The following TFEC variants were observed in gnomAD, a reference collection of about 807,000 sequenced individuals.
TFEC encodes the protein transcription factor EC.
TFEC carries 31 observed loss-of-function variants against 41.6 expected under a neutral mutation model. The ratio of observed to expected loss-of-function variants is 0.74; its 90% confidence interval spans 0.56 to 1.01. The LOEUF (loss-of-function observed/expected upper bound fraction) is 1.01. Ranked by LOEUF, TFEC falls within the 50% of genes least tolerant of loss-of-function variation. The pLI, the probability that TFEC is intolerant of heterozygous loss-of-function variation, is 0.00. For missense variants in TFEC, 402 were observed against 404.1 expected, an observed-to-expected ratio of 0.99 and a Z score of 0.04; for synonymous variants, 143 against 140.6, an observed-to-expected ratio of 1.02 and a Z score of -0.12.
chr7:116,085,046 G>A (rs1460149286), intron 3 of TFEC, among the ~76,000 whole-genome samples: 4 of 151,780 alleles, frequency 2.6e-5, no homozygotes, highest in Non-Finnish European at 5.9e-5. Flanking sequence ...AAGAGAAAAC[G>A]TATAGGACCA....
rs141349647 is a variant in TFEC at position 116,071,986 on chromosome 7, C to G, written c.198+38722G>C. Among the ~76,000 whole-genome samples the G allele has an allele frequency of 2.1e-4, 32 of 151,600 alleles. 1 individual carries two copies. The highest frequency in any genetic ancestry group is 7.2e-4 in the African/African-American group (30 of 41,528). On this transcript the variant is annotated intron_variant, in intron 3 of 8. Transcript: ENST00000484212. ...ATAAAAGACCTTAATTAAAGTACAGCTATTCATTGTTGATTTCTTTCCCAA... is the reference window on the plus strand; with the variant it reads ...ATAAAAGACCTTAATTAAAGTACAGGTATTCATTGTTGATTTCTTTCCCAA...
chr7:116,078,674 A>G (rs1307526320), intron 3 of TFEC, among the ~76,000 whole-genome samples: 1 of 152,138 alleles, frequency 6.6e-6, no homozygotes, highest in Non-Finnish European at 1.5e-5. Flanking sequence ...GCAAGCAGTG[A>G]TATTGAAATG....
intron 1 of TFEC, among the ~76,000 whole-genome samples, chr7:116,122,086 G>A (rs892292879): frequency 6.6e-6 from 1 of 151,978 alleles, no homozygotes; most frequent in African/African-American, 2.4e-5. Context: ...TGAAGCCACT[G>A]AAATTGTAAT....
chr7:116,156,580 C>T (rs1385093593), intron 1 of TFEC, among the ~76,000 whole-genome samples: 1 of 152,088 alleles, frequency 6.6e-6, no homozygotes. Flanking sequence ...ATTGAAATGG[C>T]TTGTGTGTAT....
At chr7:115,960,091 A>G (rs913456935) in intron 3 of TFEC, among the ~76,000 whole-genome samples, 40 of 151,518 alleles carry the variant, frequency 2.6e-4, no homozygotes, top group African/African-American at 9.4e-4. Flanking sequence ...CTGCATTCAG[A>G]TATATTATAC....
At chr7:116,090,231 T>G (rs1330272786) in intron 3 of TFEC, among the ~76,000 whole-genome samples, 1 of 152,144 alleles carries the variant, frequency 6.6e-6, no homozygotes, top group Non-Finnish European at 1.5e-5. Flanking sequence ...CACTTCAGCC[T>G]CTGGTTGGTT....
At chr7:116,119,565 T>C (rs1798065207) in intron 1 of TFEC, among the ~76,000 whole-genome samples, 1 of 151,796 alleles carries the variant, frequency 6.6e-6, no homozygotes, top group East Asian at 1.9e-4. Flanking sequence ...TTTAAAAGTG[T>C]GAATTTTATT....
At chr7:116,099,060 T>A (rs1251260261) in intron 3 of TFEC, among the ~76,000 whole-genome samples, 1 of 152,184 alleles carries the variant, frequency 6.6e-6, no homozygotes, top group African/African-American at 2.4e-5. Context: ...AAATAAATAT[T>A]CATTAAATTG....
chr7:115,983,271 T>G (rs1793708534), intron 2 of TFEC, among the ~76,000 whole-genome samples: 1 of 152,152 alleles, frequency 6.6e-6, no homozygotes, highest in Non-Finnish European at 1.5e-5. Context: ...TTTTTATTGT[T>G]TTATTTTTTA....
intron 3 of TFEC, among the ~76,000 whole-genome samples, chr7:115,961,872 A>G (rs1010764245): frequency 1.8e-4 from 28 of 151,798 alleles, no homozygotes; most frequent in African/African-American, 5.5e-4. Context: ...AAATGAAATG[A>G]TCTCTGCTAA....
At chr7:115,949,083 T>C (rs140167560) in intron 6 of TFEC, among the ~76,000 whole-genome samples, 2,565 of 152,144 alleles carry the variant, frequency 0.017, 72 homozygotes, top group African/African-American at 0.058. Context: ...AAATCATGAG[T>C]GAACTCCCAT....
intron 7 of TFEC, 140 bp downstream of exon 7, chr7:115,941,753 T>C: frequency 8.5e-7 from 1 of 1,177,872 alleles, no homozygotes; most frequent in Non-Finnish European, 1.2e-6. Flanking sequence ...TTCACGAACT[T>C]CTAAAAAGCA....
At chr7:115,958,164 G>A (rs1023669146) in intron 3 of TFEC, among the ~76,000 whole-genome samples, 1 of 151,648 alleles carries the variant, frequency 6.6e-6, no homozygotes, top group Non-Finnish European at 1.5e-5. Flanking sequence ...GCCACCTATT[G>A]GAGTCATCAG....
intron 2 of TFEC, among the ~76,000 whole-genome samples, chr7:115,981,866 A>G (rs1189210446): frequency 6.6e-6 from 1 of 152,138 alleles, no homozygotes; most frequent in Non-Finnish European, 1.5e-5. Flanking sequence ...GAGCCCCGCC[A>G]CCATGAGAAC....
intron 1 of TFEC, among the ~76,000 whole-genome samples, chr7:115,995,907 A>T (rs907135993): frequency 1.3e-5 from 2 of 152,192 alleles, no homozygotes; most frequent in African/African-American, 4.8e-5. Flanking sequence ...CCCGGAGGGG[A>T]ATTGTCCATT....
At chr7:115,947,286 A>G (rs1435133551) in intron 6 of TFEC, among the ~76,000 whole-genome samples, 1 of 151,518 alleles carries the variant, frequency 6.6e-6, no homozygotes, top group Non-Finnish European at 1.5e-5. Flanking sequence ...TCCATGGTGG[A>G]TATGTGCCAC....
intron 3 of TFEC, chr7:116,110,653 G>T: frequency 1.8e-6 from 2 of 1,131,836 alleles, no homozygotes; most frequent in South Asian, 3.8e-5. Context: ...GATTTTCAGA[G>T]GTAGTTACTA....
chr7:115,993,991 C>T (rs1030065416), intron 1 of TFEC, among the ~76,000 whole-genome samples: 1 of 152,172 alleles, frequency 6.6e-6, no homozygotes, highest in African/African-American at 2.4e-5. Flanking sequence ...CAGCATGGTA[C>T]TGGTACCAAA....
chr7:116,067,871 G>C lies in TFEC; in HGVS notation c.198+42837C>G, dbSNP rs1295045838. On this transcript the variant is annotated intron_variant, in intron 3 of 8. Transcript: ENST00000484212. ...ATGAATTAAATTCCTTGATGGAAGA[G>C]GGAAGGACAGGAGCTCTCATCTCAT... 2.0e-5 allele frequency among the ~76,000 whole-genome samples: 3 copies of C among 151,802 alleles called. No individual in the cohort carries two copies. The East Asian group carries it at 5.8e-4, about 29-fold the overall frequency.
Sources: gnomAD v4.1 joint callset for allele counts (sites outside exome capture counted in the v4.1 genomes callset) on GRCh38, gnomAD v4.1.1 for gene constraint, MANE v1.5 for transcripts, NCBI Gene and HGNC (gene_info 2026-07-23, HGNC 2026-07-21) for gene names.